Variants in PPP6R3 observed in about 807,000 individuals in gnomAD.
The protein encoded by PPP6R3 is protein phosphatase 6 regulatory subunit 3.
In PPP6R3, 38 loss-of-function variants were observed where a neutral mutation model predicts 110.7. That is an observed-to-expected ratio of 0.34 (90% CI 0.26 to 0.45). The LOEUF is 0.45. Ranked by LOEUF, PPP6R3 falls within the 20% of genes least tolerant of loss-of-function variation. PPP6R3 has a pLI of 1.00. For missense variants in PPP6R3, 870 were observed against 1,062.4 expected (o/e 0.82, Z 2.52); for synonymous variants, 369 against 373.5 (o/e 0.99, Z 0.14).
chr11:68,558,801 C>G (rs2099408641), intron 8 of PPP6R3, 122 bp downstream of exon 8: 3 of 717,688 alleles, frequency 4.2e-6, no homozygotes, highest in Non-Finnish European at 7.0e-6. Flanking sequence ...GATTCTTCTT[C>G]TGCTATATAA....
chr11:68,474,535 AT>A (rs2098814812), intron 1 of PPP6R3, among the ~76,000 whole-genome samples: 2 of 151,894 alleles, frequency 1.3e-5, no homozygotes, highest in Admixed American at 6.5e-5. Flanking sequence ...TCCTTTTTTT[AT>A]ATCAACCTTG....
At chr11:68,596,069 TA>T (rs1234407062) in intron 18 of PPP6R3, 27 bp from the exon 19 acceptor site, 1 of 1,613,932 alleles carries the variant, frequency 6.2e-7, no homozygotes, top group Non-Finnish European at 8.5e-7. Context: ...TAAGCAGTGT[TA>T]AATACTTGGG....
rs2099440151 is a variant in PPP6R3 at position 68,563,689 on chromosome 11, C to T, written c.846-614C>T. Among the ~76,000 whole-genome samples, 3 of 152,182 alleles carry T rather than the reference C, an allele frequency of 2.0e-5. No homozygotes were observed. The South Asian group carries it at 6.2e-4, about 31-fold the overall frequency. On this transcript the variant is annotated intron_variant, in intron 8 of 23. Coordinates refer to ENST00000393800, the MANE Select transcript of PPP6R3 (RefSeq NM_001164161.2). Reference sequence around the variant, plus strand: ...CTGTTGGGAATGGAAAGTGATACAGCCACTTCATAGAAATGTTTGTCAGTT... The same window carrying T: ...CTGTTGGGAATGGAAAGTGATACAGTCACTTCATAGAAATGTTTGTCAGTT...
intron 14 of PPP6R3, among the ~76,000 whole-genome samples, chr11:68,576,512 C>G (rs1378176501): frequency 6.6e-6 from 1 of 152,170 alleles, no homozygotes; most frequent in Admixed American, 6.5e-5. Flanking sequence ...TTTGAAACCC[C>G]AGCTTTAAAA....
At chr11:68,514,285 G>A (rs1016089241) in intron 1 of PPP6R3, among the ~76,000 whole-genome samples, 16 of 152,038 alleles carry the variant, frequency 1.1e-4, no homozygotes, top group Admixed American at 9.8e-4. Context: ...TGCCCAGCTG[G>A]TCTTGAACTG....
chr11:68,587,939 T>C lies in PPP6R3; in HGVS notation c.1645T>C (p.Tyr549His). 1 of 1,614,186 alleles carries C rather than the reference T, an allele frequency of 6.2e-7. No homozygotes were observed. Among genetic ancestry groups the C allele is most frequent in the Non-Finnish European group, 8.5e-7 (1 of 1,179,996 alleles). ...CTGGGGTTGCCAGGCCTTTTCTGAT[T>C]ATCAGATGCAACAAATGACGTCCAA... ...DSSLQQAFSD[Y>H]QMQQMTSNFI... Residue 549 changes from tyrosine (Y) to histidine (H), a missense_variant, in exon 16 of 24, where the codon TAT (tyrosine) becomes CAT (histidine). Tyr to His is a moderately conservative substitution (Grantham distance 83). Transcript: ENST00000393800.
At chr11:68,610,925 T>C (rs952087366) in intron 23 of PPP6R3, among the ~76,000 whole-genome samples, 29 of 151,040 alleles carry the variant, frequency 1.9e-4, no homozygotes, top group Non-Finnish European at 3.2e-4. Context: ...GCACTCTTTG[T>C]TGGTCCAAAA....
At chr11:68,609,854 G>A (rs1942459388) in intron 22 of PPP6R3, 50 bp from the exon 23 acceptor site, 1 of 1,609,742 alleles carries the variant, frequency 6.2e-7, no homozygotes, top group Non-Finnish European at 8.5e-7. Context: ...CTGGTGCCTA[G>A]GTGCTGGTCC....
intron 1 of PPP6R3, among the ~76,000 whole-genome samples, chr11:68,471,825 T>G (rs1408266092): frequency 6.6e-6 from 1 of 151,802 alleles, no homozygotes; most frequent in Non-Finnish European, 1.5e-5. Flanking sequence ...GGTGCCCATG[T>G]GGAGAGTTGG....
chr11:68,504,397 T>C (rs970822131), intron 1 of PPP6R3, among the ~76,000 whole-genome samples: 8 of 152,146 alleles, frequency 5.3e-5, no homozygotes, highest in African/African-American at 1.9e-4. Flanking sequence ...CCTCTACTTT[T>C]TCACGTTTCA....
chr11:68,476,105 G>A (rs1212651058), intron 1 of PPP6R3, among the ~76,000 whole-genome samples: 18 of 152,210 alleles, frequency 1.2e-4, no homozygotes, highest in Non-Finnish European at 2.5e-4. Context: ...GGGAGGCCAA[G>A]GCAGGCGGCT....
At chr11:68,479,188 A>ATGC (rs2098876843) in intron 1 of PPP6R3, among the ~76,000 whole-genome samples, 2 of 152,190 alleles carry the variant, frequency 1.3e-5, no homozygotes, top group Admixed American at 1.3e-4. Flanking sequence ...CCATTAATAC[A>ATGC]ATTAAAAAAT....
chr11:68,583,225 G>C (rs902778759), intron 15 of PPP6R3, 96 bp downstream of exon 15: 1 of 956,160 alleles, frequency 1.0e-6, no homozygotes, highest in South Asian at 1.7e-5. Flanking sequence ...TTATGTATTA[G>C]AATGTGATTT....
chr11:68,569,861 T>A lies in PPP6R3; in HGVS notation c.1242T>A (p.Asp414Glu). Residue 414 changes from aspartate (D) to glutamate (E), a missense_variant, in exon 11 of 24, where the codon GAT becomes GAA. Transcript: ENST00000393800. ...FENTENATIT[D>E]QDSTGDNLLL... ...ACACAGAAAATGCCACAATTACCGA[T>A]CAAGACTCCACTGGTGATAATTTGT... is the stretch of plus-strand genomic sequence containing the variant. 1 of 1,612,280 alleles carries A rather than the reference T, an allele frequency of 6.2e-7. No homozygotes were observed. The highest frequency in any genetic ancestry group is 8.5e-7 in the Non-Finnish European group (1 of 1,178,838).
At chr11:68,502,139 T>A (rs943176009) in intron 1 of PPP6R3, among the ~76,000 whole-genome samples, 2 of 152,164 alleles carry the variant, frequency 1.3e-5, no homozygotes, top group Admixed American at 1.3e-4. Flanking sequence ...CGAAAGACAA[T>A]GCAGGCTATG....
chr11:68,547,642 T>C (rs1294644251), intron 4 of PPP6R3, among the ~76,000 whole-genome samples: 8 of 152,224 alleles, frequency 5.3e-5, no homozygotes, highest in Non-Finnish European at 1.2e-4. Flanking sequence ...AATTTTTTTC[T>C]CATGCTTGTT....
intron 6 of PPP6R3, among the ~76,000 whole-genome samples, chr11:68,552,258 G>A (rs190099401): frequency 2.0e-5 from 3 of 152,362 alleles, no homozygotes; most frequent in Admixed American, 6.5e-5. Context: ...ATCTCCTTGT[G>A]TGTCTCTAGG....
intron 1 of PPP6R3, among the ~76,000 whole-genome samples, chr11:68,515,554 G>A (rs932161432): frequency 6.6e-6 from 1 of 152,230 alleles, no homozygotes; most frequent in Admixed American, 6.5e-5. Flanking sequence ...TGTTCACAAA[G>A]TTATCCAGTC....
chr11:68,554,232 G>T lies in PPP6R3; in HGVS notation c.706G>T (p.Asp236Tyr). The T allele has an allele frequency of 6.2e-7, 1 of 1,612,456 alleles. No homozygotes were observed. Among genetic ancestry groups the T allele is most frequent in the Middle Eastern group, 1.7e-4 (1 of 6,058 alleles). ...ACAAATTCAGAACAGTACAGAGCCC[G>T]ACCCCCTGCTTGCCACTCTAGAAAA... Reference protein sequence around the residue: ...MLQIQNSTEPDPLLATLEKQE... With the variant: ...MLQIQNSTEPYPLLATLEKQE... Residue 236 changes from aspartate to tyrosine, a missense_variant, in exon 7 of 24, where the codon GAC becomes TAC. By Grantham distance (160) the Asp-to-Tyr change is radical (BLOSUM62 -3). Transcript: ENST00000393800.
Sources: gnomAD v4.1 joint callset for allele counts (sites outside exome capture counted in the v4.1 genomes callset) on GRCh38, gnomAD v4.1.1 for gene constraint, MANE v1.5 for transcripts, NCBI Gene and HGNC (gene_info 2026-07-23, HGNC 2026-07-21) for gene names.